Variants in DACH2 observed in about 807,000 individuals in gnomAD.
DACH2 encodes dachshund family transcription factor 2, also known as dachshund homolog 2.
DACH2 carries 17 observed loss-of-function variants against 35.8 expected under a neutral mutation model. That is an observed-to-expected ratio of 0.48 (90% CI 0.33 to 0.71). The LOEUF (loss-of-function observed/expected upper bound fraction) is 0.71, where lower values mean the gene tolerates loss of function less well. Ranked by LOEUF, DACH2 falls within the 30% of genes least tolerant of loss-of-function variation. The pLI is 0.02. For missense variants in DACH2, 469 were observed against 472.7 expected (o/e 0.99, Z 0.07); for synonymous variants, 195 against 177.3 (o/e 1.10, Z -0.79).
At chrX:86,241,331 G>A (rs767897064) in intron 1 of DACH2, among the ~76,000 whole-genome samples, 1 of 112,003 alleles carries the variant, frequency 8.9e-6, no homozygotes, top group East Asian at 2.8e-4. Context: ...GTAGCAAAGG[G>A]ACTGGTGCCA....
In DACH2 at chrX:86,723,207, G is replaced by A. The variant is rs747040726; in HGVS notation, c.1104+8487G>A. On this transcript the variant is annotated intron_variant, in intron 6 of 11. Transcript: ENST00000373125. ...TTTATGATTTTTATTTGTATCTTTT[G>A]TTAGTCTAGCTAATGGGTTATCAAT... 2.7e-5 allele frequency among the ~76,000 whole-genome samples: 3 copies of A among 111,065 alleles called. No homozygotes were observed. In the Admixed American group the frequency reaches 2.9e-4, roughly 11 times the overall value.
chrX:86,374,416 C>A (rs2035933935), intron 1 of DACH2, among the ~76,000 whole-genome samples: 1 of 111,058 alleles, frequency 9.0e-6, no homozygotes, highest in African/African-American at 3.3e-5. Flanking sequence ...TATGGGAAGG[C>A]TCTCTCTACA....
At chrX:86,333,251 G>T (rs2035244049) in intron 1 of DACH2, among the ~76,000 whole-genome samples, 1 of 111,905 alleles carries the variant, frequency 8.9e-6, no homozygotes, top group South Asian at 3.7e-4. Flanking sequence ...ATGAAATACA[G>T]CTTAAAAGAT....
chrX:86,301,860 C>T (rs1188798610), intron 1 of DACH2, among the ~76,000 whole-genome samples: 1 of 111,539 alleles, frequency 9.0e-6, no homozygotes, highest in Non-Finnish European at 1.9e-5. Flanking sequence ...ATGCTATGGT[C>T]TATACTTATG....
chrX:86,384,027 T>C (rs1266124745), intron 2 of DACH2, among the ~76,000 whole-genome samples: 2 of 111,323 alleles, frequency 1.8e-5, no homozygotes, highest in Non-Finnish European at 3.8e-5. Flanking sequence ...CTTATCTGAA[T>C]GTTCAGGTGA....
intron 1 of DACH2, among the ~76,000 whole-genome samples, chrX:86,325,658 A>G (rs1230403071): frequency 8.9e-6 from 1 of 112,589 alleles, no homozygotes; most frequent in African/African-American, 3.2e-5. Flanking sequence ...GTTACTACTC[A>G]TCACTGTTGC....
intron 7 of DACH2, among the ~76,000 whole-genome samples, chrX:86,785,025 T>A (rs965177374): frequency 4.5e-5 from 5 of 110,600 alleles, no homozygotes; most frequent in Non-Finnish European, 9.5e-5. Context: ...ACATATCTGG[T>A]ATTATGTTTA....
intron 2 of DACH2, among the ~76,000 whole-genome samples, chrX:86,410,068 A>G (rs1222868570): frequency 8.9e-6 from 1 of 112,417 alleles, no homozygotes; most frequent in African/African-American, 3.2e-5. Flanking sequence ...CTATAGCATG[A>G]CATCCTTATC....
Position 86,312,051 on chromosome X carries a change from T to C in DACH2, c.489-64773T>C, listed in dbSNP as rs374996385. Among the ~76,000 whole-genome samples, 17 of 111,480 alleles carry C rather than the reference T, an allele frequency of 1.5e-4. No individual in the cohort carries two copies. The East Asian group carries it at 4.6e-3, about 30-fold the overall frequency. On this transcript the variant is annotated intron_variant, in intron 1 of 11. Coordinates refer to ENST00000373125, the MANE Select transcript of DACH2 (RefSeq NM_053281.3). ...GGAAAAAAACCACAACCTGCTGAGG[T>C]GCTTGCTGAAGGCAACAGGAATACG...
chrX:86,625,355 C>G (rs771752046), intron 3 of DACH2, among the ~76,000 whole-genome samples: 1 of 109,432 alleles, frequency 9.1e-6, no homozygotes, highest in Admixed American at 9.9e-5. Context: ...TTGCATATAT[C>G]AGATAATGAC....
At chrX:86,590,190 A>G (rs1323125232) in intron 3 of DACH2, among the ~76,000 whole-genome samples, 1 of 111,952 alleles carries the variant, frequency 8.9e-6, no homozygotes, top group Non-Finnish European at 1.9e-5. Context: ...ATAAGAAAGA[A>G]GCTGAAGATT....
At chrX:86,190,285 T>A (rs1455072795) in intron 1 of DACH2, among the ~76,000 whole-genome samples, 1 of 112,223 alleles carries the variant, frequency 8.9e-6, no homozygotes, top group Admixed American at 9.4e-5. Flanking sequence ...TGTACTCTCA[T>A]CCAATTCTCT....
At chrX:86,800,769 A>C (rs1157257388) in intron 7 of DACH2, among the ~76,000 whole-genome samples, 1 of 111,313 alleles carries the variant, frequency 9.0e-6, no homozygotes, top group Admixed American at 9.5e-5. Context: ...TTCTGGGTTC[A>C]AGCGATTCTC....
chrX:86,207,323 C>CTA (rs1391811764), intron 1 of DACH2, among the ~76,000 whole-genome samples: 6 of 111,359 alleles, frequency 5.4e-5, no homozygotes, highest in African/African-American at 2.0e-4. Context: ...TTCATGAACT[C>CTA]TATAATCAGT....
intron 4 of DACH2, among the ~76,000 whole-genome samples, chrX:86,685,126 T>C (rs2040926617): frequency 8.9e-6 from 1 of 111,873 alleles, no homozygotes; most frequent in Non-Finnish European, 1.9e-5. Flanking sequence ...ATATCTCTTC[T>C]CCTGTGCTTG....
At chrX:86,475,965 C>T (rs900026916) in intron 2 of DACH2, among the ~76,000 whole-genome samples, 6 of 112,052 alleles carry the variant, frequency 5.4e-5, no homozygotes, top group African/African-American at 1.3e-4. Flanking sequence ...TCTGTTGATA[C>T]GATGTACCAC....
chrX:86,485,214 A>G (rs2038000896), intron 2 of DACH2, among the ~76,000 whole-genome samples: 1 of 112,168 alleles, frequency 8.9e-6, no homozygotes, highest in Admixed American at 9.6e-5. Flanking sequence ...TTAAAAGGAT[A>G]TGAATGTAAT....
chrX:86,567,280 G>T (rs983015712), intron 3 of DACH2, among the ~76,000 whole-genome samples: 1 of 111,625 alleles, frequency 9.0e-6, no homozygotes, highest in Middle Eastern at 4.6e-3. Context: ...TTTCCAAACT[G>T]GAGTTCTAAA....
At chrX:86,805,421 G>C (rs1047933277) in intron 7 of DACH2, among the ~76,000 whole-genome samples, 1 of 112,744 alleles carries the variant, frequency 8.9e-6, no homozygotes, top group Non-Finnish European at 1.9e-5. Flanking sequence ...CTCAAGGCCT[G>C]TGATGGAAGG....
Sources: gnomAD v4.1 joint callset for allele counts (sites outside exome capture counted in the v4.1 genomes callset) on GRCh38, gnomAD v4.1.1 for gene constraint, MANE v1.5 for transcripts, NCBI Gene and HGNC (gene_info 2026-07-23, HGNC 2026-07-21) for gene names.